Variants in ZFTA observed in about 807,000 individuals in gnomAD.
ZFTA encodes the protein zinc finger translocation-associated protein.
ZFTA carries 35 observed loss-of-function variants against 41.8 expected under a neutral mutation model. That is an observed-to-expected ratio of 0.84 (90% confidence interval 0.64 to 1.11). ZFTA has a LOEUF of 1.11. Ranked by LOEUF, ZFTA falls within the 50% of genes most tolerant of loss-of-function variation. The pLI is 0.00. For missense variants in ZFTA, 964 were observed against 989.8 expected (o/e 0.97, Z 0.35); for synonymous variants, 514 against 436.4 (o/e 1.18, Z -2.22).
Position 63,760,949 on chromosome 11 carries a change from T to C in ZFTA, c.*2469A>G, listed in dbSNP as rs2014618156. The C allele has an allele frequency of 1.3e-5, 2 of 152,180 alleles. No individual in the cohort carries two copies. Among genetic ancestry groups the C allele is most frequent in the Non-Finnish European group, 2.9e-5 (2 of 68,048 alleles). 9.4% of individuals were successfully genotyped at this position (152,180 alleles called of 1,614,324 possible). A position where few individuals can be genotyped will look rare whatever the true frequency, so the allele number is the denominator to read the frequency against. On this transcript the variant is annotated 3_prime_UTR_variant, in exon 5 of 5. Coordinates refer to ENST00000433688, the MANE Select transcript of ZFTA (RefSeq NM_001144936.2). Reference sequence around the variant, plus strand: ...AAGATGTCCACTCTCCTGAGGCCTCTCTCTGCCTACGGAGGGGGGGGAATC... The same window carrying C: ...AAGATGTCCACTCTCCTGAGGCCTCCCTCTGCCTACGGAGGGGGGGGAATC...
At chr11:63,767,540 T>C (rs901251056) in intron 1 of ZFTA, 1 of 152,112 alleles carries the variant, frequency 6.6e-6, no homozygotes, top group Non-Finnish European at 1.5e-5. Context: ...CTTCCAGCGC[T>C]GGATCCAGGC....
In ZFTA at chr11:63,759,964, C is replaced by T. The variant is rs1203669943; in HGVS notation, c.*3454G>A. 6.6e-6 allele frequency: 1 copy of T among 152,174 alleles called. No homozygotes were observed. Among genetic ancestry groups the T allele is most frequent in the African/African-American group, 2.4e-5 (1 of 41,400 alleles). The allele number at this position is 152,174 out of a possible 1,614,324, so 9.4% of individuals were successfully genotyped here. A position where few individuals can be genotyped will look rare whatever the true frequency, so the allele number is the denominator to read the frequency against. ...GTAAAGTAAGAACCAAACACTGCTT[C>T]CACTCCCCCTATCCTCACTCCACTT... On this transcript the variant is annotated 3_prime_UTR_variant, in exon 5 of 5. Coordinates refer to ENST00000433688, the MANE Select transcript of ZFTA (RefSeq NM_001144936.2).
rs1239748818 is a variant in ZFTA at position 63,762,708 on chromosome 11, G to A, written c.*710C>T. The A allele has an allele frequency of 6.6e-6, 1 of 152,396 alleles. No homozygotes were observed. The highest frequency in any genetic ancestry group is 1.5e-5 in the Non-Finnish European group (1 of 68,182). The allele number at this position is 152,396 out of a possible 1,614,324, so 9.4% of individuals were successfully genotyped here. A position where few individuals can be genotyped will look rare whatever the true frequency, so the allele number is the denominator to read the frequency against. On this transcript the variant is annotated 3_prime_UTR_variant, in exon 5 of 5. Transcript: ENST00000433688. ...AGGGCGTGGCAGCGGCCTGGGAGGA[G>A]AGTGGGGCCGCCGGGCGCACGGTTC...
intron 1 of ZFTA, among the ~76,000 whole-genome samples, chr11:63,767,849 C>T (rs1268796744): frequency 6.6e-6 from 1 of 152,150 alleles, no homozygotes; most frequent in African/African-American, 2.4e-5. Flanking sequence ...GAGAATGCAC[C>T]GGCCGGAGGG....
At chr11:63,768,350 G>T (rs2135099759) in intron 1 of ZFTA, 134 bp downstream of exon 1, 1 of 411,048 alleles carries the variant, frequency 2.4e-6, no homozygotes, top group Non-Finnish European at 3.3e-6. Context: ...CGCGCTCCGC[G>T]CCCACCAGGT....
Position 63,766,414 on chromosome 11 carries a change from G to A in ZFTA, c.140-110C>T, listed in dbSNP as rs759758479. 264 of 1,243,452 alleles carry A rather than the reference G, an allele frequency of 2.1e-4. 1 individual carries two copies. Among genetic ancestry groups the A allele is most frequent in the Non-Finnish European group, 2.7e-4 (256 of 952,706 alleles). The allele number at this position is 1,243,452 out of a possible 1,614,324, so 77.0% of individuals were successfully genotyped here. ...GGGAGCTGGGGGAGGGGGTGTTCCG[G>A]GGCAGGAAAGGGACGGCAACAGCAA... On this transcript the variant is annotated intron_variant, in intron 1 of 4. Coordinates refer to ENST00000433688, the MANE Select transcript of ZFTA (RefSeq NM_001144936.2).
At position 63,764,090 on chromosome 11, in the gene ZFTA, G is replaced by C. The variant is rs1469915962; in HGVS notation, c.1533C>G (p.Asp511Glu). 2 of 1,341,904 alleles carry C rather than the reference G, an allele frequency of 1.5e-6. No individual in the cohort carries two copies. Among genetic ancestry groups the C allele is most frequent in the Non-Finnish European group, 9.5e-7 (1 of 1,051,776 alleles). 83.1% of individuals were successfully genotyped at this position (1,341,904 alleles called of 1,614,324 possible). A position where few individuals can be genotyped will look rare whatever the true frequency, so the allele number is the denominator to read the frequency against. ...PIPPGTAAAS[D>E]EGGGDEEEEP... ...CCTCCTCCTCGTCCCCTCCCCCCTC[G>C]TCGGAGGCTGCGGCAGTGCCGGGGG... Residue 511 changes from aspartate (D) to glutamate (E), a missense_variant, in exon 4 of 5, where the codon GAC (aspartate) becomes GAG (glutamate). Physicochemically the swap from Asp to Glu is conservative, Grantham distance 45 (BLOSUM62 2). Coordinates refer to ENST00000433688, the MANE Select transcript of ZFTA (RefSeq NM_001144936.2).
At chr11:63,767,641 G>T (rs1036425568) in intron 1 of ZFTA, 3 of 152,362 alleles carry the variant, frequency 2.0e-5, no homozygotes, top group African/African-American at 7.2e-5. Flanking sequence ...GTTTCTGGGA[G>T]GGGAGAGACC....
At chr11:63,766,487 G>A (rs2135097279) in intron 1 of ZFTA, among the ~76,000 whole-genome samples, 183 bp from the exon 2 acceptor site, 1 of 151,882 alleles carries the variant, frequency 6.6e-6, no homozygotes, top group East Asian at 1.9e-4. Flanking sequence ...CCTTTACAAA[G>A]GGCAAGGACC....
intron 3 of ZFTA, 75 bp downstream of exon 3, chr11:63,764,793 C>T: frequency 7.0e-7 from 1 of 1,424,020 alleles, no homozygotes; most frequent in Non-Finnish European, 9.1e-7. Flanking sequence ...TAAGTCCCTG[C>T]CTCCCAGTTT....
rs1425304874 is a variant in ZFTA, at chr11:63,764,282, G to C, written c.1341C>G (p.Ala447=). Residue 447 remains alanine (A), a synonymous_variant, in exon 4 of 5, where the codon GCC becomes GCG. Transcript: ENST00000433688. ...LVCGVCGGAL[A]SLKMSTIERH... is the part of the protein sequence containing the mutation. ...GCTCGATGGTGCTCATCTTGAGCGA[G>C]GCCAGCGCGCCCCCGCACACCCCGC... 1.4e-6 allele frequency: 2 copies of C among 1,459,324 alleles called. No homozygotes were observed. Among genetic ancestry groups the C allele is most frequent in the East Asian group, 3.0e-5 (1 of 32,936 alleles). The allele number at this position is 1,459,324 out of a possible 1,614,324, so 90.4% of individuals were successfully genotyped here.
At chr11:63,763,963 T>TCCCATCCTCCAGTCCCTTCTGC in intron 4 of ZFTA, 75 bp downstream of exon 4, 1 of 1,334,258 alleles carries the variant, frequency 7.5e-7, no homozygotes, top group Non-Finnish European at 9.7e-7. Context: ...TGCCCTTCTA[T>TCCCATCCTCCAGTCCCTTCTGC]CCCATCCTCC....
In ZFTA at chr11:63,764,954, C is replaced by T; in HGVS notation, c.938G>A (p.Gly313Glu). 1 of 1,548,316 alleles carries T rather than the reference C, an allele frequency of 6.5e-7. No individual in the cohort carries two copies. The highest frequency in any genetic ancestry group is 8.7e-7 in the Non-Finnish European group (1 of 1,146,532). ...HVLEVHPGSL[G>E]LSGPQRSALL... ...GGCACTGCGCTGGGGGCCGCTGAGCCCCAGGGAGCCAGGGTGCACCTCCAG... is the reference window on the plus strand; with the variant it reads ...GGCACTGCGCTGGGGGCCGCTGAGCTCCAGGGAGCCAGGGTGCACCTCCAG... Residue 313 changes from glycine (G) to glutamate (E), a missense_variant, in exon 3 of 5, where the codon GGG (glycine) becomes GAG (glutamate). Around this residue, in one of 5 missense-constraint regions of ZFTA, gnomAD observed 584 missense variants for 523.1 expected, o/e 1.12. Coordinates refer to ENST00000433688, the MANE Select transcript of ZFTA (RefSeq NM_001144936.2).
rs1242638698 is a variant in ZFTA at position 63,763,378 on chromosome 11, T to C, written c.*40A>G. The C allele has an allele frequency of 2.5e-6, 3 of 1,215,844 alleles. No individual in the cohort carries two copies. Among genetic ancestry groups the C allele is most frequent in the Non-Finnish European group, 3.1e-6 (3 of 972,240 alleles). 75.3% of individuals were successfully genotyped at this position (1,215,844 alleles called of 1,614,324 possible). ...CGAGCACAGGGCGGGGCGGGGCCGA[T>C]CCGACCCGACCCGACCTGACCCGGG... On this transcript the variant is annotated 3_prime_UTR_variant, in exon 5 of 5. Coordinates refer to ENST00000433688, the MANE Select transcript of ZFTA (RefSeq NM_001144936.2).
rs1323236943 is a variant in ZFTA, at chr11:63,768,527, G to T, written c.96C>A (p.Pro32=). The change falls in exon 1 of 5, where the codon CCC becomes CCA. Residue 32 remains proline, a synonymous_variant. Coordinates refer to ENST00000433688, the MANE Select transcript of ZFTA (RefSeq NM_001144936.2). Reference sequence around the variant, plus strand: ...GCTCCGCGCTGCCGCTCGATCCGGCGGGCGGCAGCCGTCGGCCCCGTGCCG... The same window carrying T: ...GCTCCGCGCTGCCGCTCGATCCGGCTGGCGGCAGCCGTCGGCCCCGTGCCG... ...VASARGRRLP[P]AGSSGSAEPE... 2 of 1,195,218 alleles carry T rather than the reference G, an allele frequency of 1.7e-6. No individual in the cohort carries two copies. The highest frequency in any genetic ancestry group is 2.1e-6 in the Non-Finnish European group (2 of 952,354). The allele number at this position is 1,195,218 out of a possible 1,614,324, so 74.0% of individuals were successfully genotyped here.
rs1456759770 is a variant in ZFTA, at chr11:63,762,919, G to A, written c.*499C>T. ...GAGGCCGAGAATCCCAATTAGGGAAGGGCAGCCAGCAGCCCCCAAGCCGGG... is the reference window on the plus strand; with the variant it reads ...GAGGCCGAGAATCCCAATTAGGGAAAGGCAGCCAGCAGCCCCCAAGCCGGG... On this transcript the variant is annotated 3_prime_UTR_variant, in exon 5 of 5. Transcript: ENST00000433688. The A allele has an allele frequency of 1.3e-5, 2 of 152,230 alleles. No individual in the cohort carries two copies. Among genetic ancestry groups the A allele is most frequent in the Non-Finnish European group, 2.9e-5 (2 of 68,102 alleles). 9.4% of individuals were successfully genotyped at this position (152,230 alleles called of 1,614,324 possible). A position where few individuals can be genotyped will look rare whatever the true frequency, so the allele number is the denominator to read the frequency against.
In ZFTA at chr11:63,764,442, A is replaced by C. The variant is rs755774647; in HGVS notation, c.1181T>G (p.Leu394Arg). ...CGCCCTCTCGCCCTCGCCCTCCTCC[A>C]GCTCCTCCTCCTCCTCTGCGGGCCC... Reference protein sequence around the residue: ...RPGPAEEEEELEEGEGERAGV... With the variant: ...RPGPAEEEEEREEGEGERAGV... The change falls in exon 4 of 5, where the codon CTG (leucine) becomes CGG (arginine). Residue 394 changes from leucine (L) to arginine (R), a missense_variant. Around this residue, in one of 5 missense-constraint regions of ZFTA, gnomAD observed 584 missense variants for 523.1 expected, o/e 1.12. Coordinates refer to ENST00000433688, the MANE Select transcript of ZFTA (RefSeq NM_001144936.2). 2 of 1,264,362 alleles carry C rather than the reference A, an allele frequency of 1.6e-6. No individual in the cohort carries two copies. The highest frequency in any genetic ancestry group is 2.0e-6 in the Non-Finnish European group (2 of 1,004,188). 78.3% of individuals were successfully genotyped at this position (1,264,362 alleles called of 1,614,324 possible).
chr11:63,766,781 T>C (rs761609217), intron 1 of ZFTA, among the ~76,000 whole-genome samples: 1 of 152,064 alleles, frequency 6.6e-6, no homozygotes, highest in African/African-American at 2.4e-5. Context: ...CACCCACAGG[T>C]CTTCTCCCTT....
At chr11:63,768,103 G>T (rs1439379631) in intron 1 of ZFTA, among the ~76,000 whole-genome samples, 4 of 152,132 alleles carry the variant, frequency 2.6e-5, no homozygotes, top group Non-Finnish European at 2.9e-5. Flanking sequence ...GGTCTGGGCG[G>T]ACTTTTGAGA....
Sources: allele counts gnomAD v4.1 joint callset (sites outside exome capture counted in the v4.1 genomes callset), GRCh38; gene constraint gnomAD v4.1.1; regional missense constraint gnomAD v4.1.1; transcripts MANE v1.5; gene names NCBI Gene and HGNC (gene_info 2026-07-23, HGNC 2026-07-21).